Variants in SULT4A1 observed in about 807,000 individuals in gnomAD.
SULT4A1 encodes the protein sulfotransferase 4A1.
In SULT4A1, 11 loss-of-function variants were observed where a neutral mutation model predicts 35.2. The observed-to-expected ratio is 0.31, with a 90% CI of 0.20 to 0.52. The LOEUF (loss-of-function observed/expected upper bound fraction) is 0.52. SULT4A1 is among the 20% of genes least tolerant of loss of function. The probability of loss-of-function intolerance (pLI) is 0.97; values close to 1 mark genes in which losing one functional copy is unlikely to be tolerated. For missense variants in SULT4A1, 271 were observed against 383.7 expected (o/e 0.71, Z 2.45); for synonymous variants, 152 against 151.8 (o/e 1.00, Z -0.01).
intron 5 of SULT4A1, 120 bp downstream of exon 5, chr22:43,833,520 C>G: frequency 1.7e-6 from 1 of 590,186 alleles, no homozygotes; most frequent in East Asian, 3.5e-5. Context: ...GCCCCCTCCT[C>G]TGTCCCTCCT....
intron 6 of SULT4A1, chr22:43,828,795 G>A (rs1295211258): frequency 2.4e-6 from 1 of 425,286 alleles, no homozygotes; most frequent in African/African-American, 2.1e-5. Context: ...CGCCCACAAA[G>A]CCTGAAATGC....
chr22:43,845,718 C>T (rs947024117), intron 1 of SULT4A1, among the ~76,000 whole-genome samples: 2 of 152,118 alleles, frequency 1.3e-5, no homozygotes, highest in East Asian at 3.9e-4. Context: ...GAGCACTGGG[C>T]GGGAAAGCAT....
intron 1 of SULT4A1, among the ~76,000 whole-genome samples, chr22:43,843,824 G>A (rs762616005): frequency 1.3e-5 from 2 of 152,240 alleles, no homozygotes; most frequent in African/African-American, 4.8e-5. Flanking sequence ...GTTGCCCTGA[G>A]TTCTGTGAGC....
At chr22:43,830,722 G>A (rs376149285) in intron 5 of SULT4A1, among the ~76,000 whole-genome samples, 1 of 152,190 alleles carries the variant, frequency 6.6e-6, no homozygotes, top group Non-Finnish European at 1.5e-5. Context: ...TATACCCGGG[G>A]TGCCTGGCAC....
chr22:43,862,452 C>CGCCCGT lies in SULT4A1; in HGVS notation c.-71_-70insACGGGC, dbSNP rs2049485937. ...CCGCACGCGCCCGCGCCCGCGCCCG[C>CGCCCGT]GCCCGCGCCCCGCACACGCTCGCGC... On this transcript the variant is annotated 5_prime_UTR_variant, in exon 1 of 7. Coordinates refer to ENST00000330884, the MANE Select transcript of SULT4A1 (RefSeq NM_014351.4). 2.1e-5 allele frequency: 20 copies of CGCCCGT among 959,688 alleles called. No homozygotes were observed. The highest frequency in any genetic ancestry group is 2.5e-5 in the Non-Finnish European group (20 of 811,624). 59.4% of individuals were successfully genotyped at this position (959,688 alleles called of 1,614,324 possible).
intron 4 of SULT4A1, among the ~76,000 whole-genome samples, chr22:43,835,710 A>T (rs923752031): frequency 6.6e-6 from 1 of 152,214 alleles, no homozygotes; most frequent in African/African-American, 2.4e-5. Context: ...TGAACACGGA[A>T]GGTAAAGAAA....
At chr22:43,845,761 C>A (rs1021563171) in intron 1 of SULT4A1, among the ~76,000 whole-genome samples, 4 of 152,096 alleles carry the variant, frequency 2.6e-5, no homozygotes, top group Admixed American at 6.5e-5. Context: ...GTCAGATCAG[C>A]GGGAACACGA....
intron 1 of SULT4A1, among the ~76,000 whole-genome samples, chr22:43,861,314 C>T (rs938000347): frequency 6.6e-6 from 1 of 152,196 alleles, no homozygotes; most frequent in Non-Finnish European, 1.5e-5. Flanking sequence ...ACCTTCTAAA[C>T]CACGCTGTGA....
chr22:43,860,208 C>T (rs2049449962), intron 1 of SULT4A1, among the ~76,000 whole-genome samples: 1 of 152,172 alleles, frequency 6.6e-6, no homozygotes, highest in African/African-American at 2.4e-5. Flanking sequence ...CCGTGGGTTC[C>T]CTGCCATGGC....
intron 4 of SULT4A1, among the ~76,000 whole-genome samples, chr22:43,837,232 G>A (rs1295840426): frequency 6.6e-6 from 1 of 152,250 alleles, no homozygotes; most frequent in Non-Finnish European, 1.5e-5. Flanking sequence ...TGTCTACAGG[G>A]TTTGCTGGGA....
Position 43,826,181 on chromosome 22 carries a change from C to T in SULT4A1, c.743-68G>A, listed in dbSNP as rs2063285777. The stretch of plus-strand genomic sequence containing the variant: ...GGCCAGCTACTGAACTAAAGGAAGC[C>T]TTGGAAATGGATCTGGAACATTCCA... On this transcript the variant is annotated intron_variant, in intron 6 of 6. Coordinates refer to ENST00000330884, the MANE Select transcript of SULT4A1 (RefSeq NM_014351.4). 3.1e-6 allele frequency: 5 copies of T among 1,597,250 alleles called. No individual in the cohort carries two copies. The Middle Eastern group carries it at 5.0e-4, about 161-fold the overall frequency.
At position 43,849,113 on chromosome 22, in the gene SULT4A1, C is replaced by T. The variant is rs1001927906; in HGVS notation, c.170-7181G>A. Among the ~76,000 whole-genome samples, 12 of 152,216 alleles carry T rather than the reference C, an allele frequency of 7.9e-5. No homozygotes were observed. In the East Asian group the frequency reaches 2.3e-3, roughly 29 times the overall value. ...TGTTCTGGGGTGGAACTCCCCAGGA[C>T]TCTAGGGCATGGCCTGTCTCAACAC... On this transcript the variant is annotated intron_variant, in intron 1 of 6. Transcript: ENST00000330884.
At position 43,841,787 on chromosome 22, in the gene SULT4A1, G is replaced by A; in HGVS notation, c.300+15C>T. On this transcript the variant is annotated intron_variant, in intron 2 of 6. Transcript: ENST00000330884. ...CTAAAGAGGTGCTGGGACAGGTGCTGCTGGCCCTGGGTACCTTGATGATGT... is the reference window on the plus strand; with the variant it reads ...CTAAAGAGGTGCTGGGACAGGTGCTACTGGCCCTGGGTACCTTGATGATGT... 6.2e-7 allele frequency: 1 copy of A among 1,610,374 alleles called. No individual in the cohort carries two copies. Among genetic ancestry groups the A allele is most frequent in the Non-Finnish European group, 8.5e-7 (1 of 1,177,034 alleles).
intron 1 of SULT4A1, among the ~76,000 whole-genome samples, chr22:43,859,476 G>A (rs933401046): frequency 1.4e-4 from 21 of 152,246 alleles, no homozygotes; most frequent in African/African-American, 5.1e-4. Context: ...CTTTGGGGCT[G>A]TGCCCCCTCG....
chr22:43,846,891 G>A (rs778791895), intron 1 of SULT4A1, among the ~76,000 whole-genome samples: 1 of 152,072 alleles, frequency 6.6e-6, no homozygotes, highest in Non-Finnish European at 1.5e-5. Flanking sequence ...TATTTTTCAC[G>A]TTCCCCACCC....
At chr22:43,827,576 A>C in intron 6 of SULT4A1, 1 of 1,366,332 alleles carries the variant, frequency 7.3e-7, no homozygotes, top group Non-Finnish European at 9.8e-7. Flanking sequence ...TAAGCAATGC[A>C]GCTGGCTACT....
intron 1 of SULT4A1, among the ~76,000 whole-genome samples, 180 bp downstream of exon 1, chr22:43,862,029 CCCCCA>C (rs909564354): frequency 3.3e-5 from 5 of 151,724 alleles, no homozygotes; most frequent in Admixed American, 6.5e-5. Flanking sequence ...CCCCTTCCCA[CCCCCA>C]CCCCACCCCA....
intron 5 of SULT4A1, among the ~76,000 whole-genome samples, chr22:43,829,449 GGTCTT>G (rs2148276741): frequency 6.6e-6 from 1 of 152,342 alleles, no homozygotes; most frequent in African/African-American, 2.4e-5. Context: ...GCAGACATGA[GGTCTT>G]AATAGAGGTG....
chr22:43,851,159 C>T (rs2063507918), intron 1 of SULT4A1, among the ~76,000 whole-genome samples: 1 of 152,168 alleles, frequency 6.6e-6, no homozygotes. Context: ...ACCCAAACCT[C>T]ACAACTGTGC....
Sources: allele counts gnomAD v4.1 joint callset (sites outside exome capture counted in the v4.1 genomes callset), GRCh38; gene constraint gnomAD v4.1.1; transcripts MANE v1.5; gene names NCBI Gene and HGNC (gene_info 2026-07-23, HGNC 2026-07-21).